Variants in RARB observed in about 807,000 individuals in gnomAD.
The protein encoded by RARB is HBV-activated protein.
RARB carries 17 observed loss-of-function variants against 51.9 expected under a neutral mutation model. The observed-to-expected ratio is 0.33, with a 90% CI of 0.22 to 0.49. The LOEUF is 0.49. Ranked by LOEUF, RARB falls within the 20% of genes least tolerant of loss-of-function variation. The probability of loss-of-function intolerance (pLI) is 0.99; values close to 1 mark genes in which losing one functional copy is unlikely to be tolerated. For missense variants in RARB, 369 were observed against 550.8 expected (o/e 0.67, Z 3.30); for synonymous variants, 215 against 195.4 (o/e 1.10, Z -0.84).
At chr3:25,498,240 T>G (rs1041422999) in intron 2 of RARB, among the ~76,000 whole-genome samples, 10 of 152,052 alleles carry the variant, frequency 6.6e-5, no homozygotes, top group Admixed American at 5.9e-4. Flanking sequence ...AAGTAAACTT[T>G]AGGTGTATGA....
intron 1 of RARB, among the ~76,000 whole-genome samples, chr3:25,459,027 T>G (rs1695043830): frequency 6.6e-6 from 1 of 152,200 alleles, no homozygotes; most frequent in South Asian, 2.1e-4. Context: ...ACAATGCAGG[T>G]GAGTTTCTTT....
chr3:24,910,284 C>T (rs1694964604), intron 2 of RARB, among the ~76,000 whole-genome samples: 2 of 152,124 alleles, frequency 1.3e-5, no homozygotes, highest in South Asian at 4.1e-4. Context: ...TTCCACCATC[C>T]CTTCAAAGAC....
At chr3:25,232,140 A>G (rs540794172) in intron 5 of RARB, among the ~76,000 whole-genome samples, 1 of 152,250 alleles carries the variant, frequency 6.6e-6, no homozygotes, top group East Asian at 1.9e-4. Context: ...GCACTTTTGT[A>G]AAAGGTTAAT....
intron 2 of RARB, among the ~76,000 whole-genome samples, chr3:25,011,096 C>T (rs1697385372): frequency 6.6e-6 from 1 of 152,092 alleles, no homozygotes; most frequent in African/African-American, 2.4e-5. Context: ...CAATTATCTA[C>T]TGAATGCCAG....
intron 2 of RARB, among the ~76,000 whole-genome samples, chr3:25,006,235 G>GTC (rs1697269586): frequency 6.6e-6 from 1 of 152,036 alleles, no homozygotes; most frequent in Admixed American, 6.6e-5. Context: ...GTTTGAGTTT[G>GTC]TCTATCTCTC....
chr3:25,099,040 C>G (rs189127906), intron 3 of RARB, among the ~76,000 whole-genome samples: 53 of 152,306 alleles, frequency 3.5e-4, no homozygotes, highest in Admixed American at 5.9e-4. Context: ...CTGCTGCAAC[C>G]TCAGTGCTTG....
Position 25,043,532 on chromosome 3 carries a change from C to CT in RARB, c.-379-16592dup, listed in dbSNP as rs1455519147. The stretch of plus-strand genomic sequence containing the variant: ...GAATTTTAAGAAGGAAAAATTTGGA[C>CT]TGATGTATTAATAGATTCAAAAAGA... On this transcript the variant is annotated intron_variant, in intron 2 of 11. Transcript: ENST00000383772. 1.1e-4 allele frequency among the ~76,000 whole-genome samples: 16 copies of CT among 152,254 alleles called. No individual in the cohort carries two copies. The South Asian group carries it at 2.3e-3, about 22-fold the overall frequency.
chr3:24,939,270 C>T (rs1010291200), intron 2 of RARB, among the ~76,000 whole-genome samples: 3 of 152,188 alleles, frequency 2.0e-5, no homozygotes, highest in African/African-American at 2.4e-5. Context: ...AACAATGCTT[C>T]CGTGAACTTT....
rs79383693 is a variant in RARB, at chr3:25,507,100, C to T, written c.448+5777C>T. ...AGTGCTTCGCACAAAGCTCCATGAA[C>T]CGCAAACTTATTATATTATACAGAT... On this transcript the variant is annotated intron_variant, in intron 3 of 7. Transcript: ENST00000330688. 8.9e-4 allele frequency among the ~76,000 whole-genome samples: 135 copies of T among 152,372 alleles called. 1 individual carries two copies. The highest frequency in any genetic ancestry group is 3.1e-3 in the African/African-American group (128 of 41,590).
chr3:25,325,876 T>G (rs1215545065), intron 5 of RARB, among the ~76,000 whole-genome samples: 3 of 152,070 alleles, frequency 2.0e-5, no homozygotes, highest in Non-Finnish European at 4.4e-5. Flanking sequence ...TGAAACAACT[T>G]GTTAAATGCC....
intron 3 of RARB, among the ~76,000 whole-genome samples, chr3:25,115,837 C>T (rs1699677690): frequency 6.6e-6 from 1 of 151,912 alleles, no homozygotes; most frequent in South Asian, 2.1e-4. Flanking sequence ...TGCTATGTTG[C>T]CGAGGCTGAT....
chr3:25,129,608 TATC>T (rs776114389), intron 3 of RARB, among the ~76,000 whole-genome samples: 5 of 152,074 alleles, frequency 3.3e-5, no homozygotes, highest in Non-Finnish European at 5.9e-5. Flanking sequence ...AAGCATAAAA[TATC>T]AGAGTATGAC....
chr3:25,428,595 G>A lies in RARB; in HGVS notation c.-137G>A, dbSNP rs546417902. ...GCTTGTCTGTCATAATTCATGATTC[G>A]GGGCTGGGAAAAAGACCAACAGCCT... On this transcript the variant is annotated 5_prime_UTR_variant, in exon 1 of 8. Transcript: ENST00000330688. 5.0e-6 allele frequency: 7 copies of A among 1,388,648 alleles called. No homozygotes were observed. The African/African-American group carries it at 7.2e-5, about 14-fold the overall frequency. The allele number at this position is 1,388,648 out of a possible 1,614,324, so 86.0% of individuals were successfully genotyped here. A position where few individuals can be genotyped will look rare whatever the true frequency, so the allele number is the denominator to read the frequency against.
intron 3 of RARB, among the ~76,000 whole-genome samples, chr3:25,066,398 A>G (rs1052515691): frequency 4.6e-5 from 7 of 152,326 alleles, no homozygotes; most frequent in Admixed American, 2.0e-4. Flanking sequence ...TGTTTTTAAT[A>G]TTTGAGAATC....
intron 5 of RARB, among the ~76,000 whole-genome samples, chr3:25,364,199 C>G (rs905758255): frequency 6.6e-6 from 1 of 152,046 alleles, no homozygotes; most frequent in African/African-American, 2.4e-5. Context: ...GGGCAGGATC[C>G]TTGCTTGTTT....
chr3:25,473,656 G>T (rs1415192026), intron 2 of RARB, among the ~76,000 whole-genome samples: 1 of 152,136 alleles, frequency 6.6e-6, no homozygotes. Flanking sequence ...GTCTGCCAGG[G>T]TGTCTGCTTC....
In RARB at chr3:25,063,683, G is replaced by A. The variant is rs77438267; in HGVS notation, c.-328+3507G>A. 3.2e-3 allele frequency among the ~76,000 whole-genome samples: 492 copies of A among 151,606 alleles called. 8 individuals carry two copies. In the East Asian group the frequency reaches 0.043, roughly 13 times the overall value. On this transcript the variant is annotated intron_variant, in intron 3 of 11. Transcript: ENST00000383772. ...GTCATAAAATCTTGAGGTTCAAAGGGGTCCGTAGACCTTGTAGTTTGAGAC... is the reference window on the plus strand; with the variant it reads ...GTCATAAAATCTTGAGGTTCAAAGGAGTCCGTAGACCTTGTAGTTTGAGAC...
intron 2 of RARB, among the ~76,000 whole-genome samples, chr3:24,882,249 G>A (rs1703182342): frequency 6.6e-6 from 1 of 152,140 alleles, no homozygotes; most frequent in Non-Finnish European, 1.5e-5. Flanking sequence ...ACTGATTACA[G>A]TCGGCCCTTT....
intron 5 of RARB, among the ~76,000 whole-genome samples, chr3:25,402,374 T>C (rs1334914102): frequency 1.3e-5 from 2 of 152,180 alleles, no homozygotes; most frequent in African/African-American, 4.8e-5. Context: ...TTAGTGCAAC[T>C]ACTAGGGAGA....
Sources: gnomAD v4.1 joint callset for allele counts (sites outside exome capture counted in the v4.1 genomes callset) on GRCh38, gnomAD v4.1.1 for gene constraint, MANE v1.5 for transcripts, NCBI Gene and HGNC (gene_info 2026-07-23, HGNC 2026-07-21) for gene names.